The following RAP1GAP2 variants were observed in gnomAD, a reference collection of about 807,000 sequenced individuals.
RAP1GAP2 encodes the protein rap1 GTPase-activating protein 2.
Under a neutral mutation model 95.0 loss-of-function variants are expected in RAP1GAP2, and 27 were observed. That is an observed-to-expected ratio of 0.28 (90% CI 0.21 to 0.39). RAP1GAP2 has a LOEUF of 0.39. Ranked by LOEUF, RAP1GAP2 falls within the 10% of genes least tolerant of loss-of-function variation. The probability of loss-of-function intolerance (pLI) is 1.00; values close to 1 mark genes in which losing one functional copy is unlikely to be tolerated. For synonymous variants in RAP1GAP2, 373 were observed against 380.9 expected (o/e 0.98, Z 0.24); for missense variants, 771 against 970.0 (o/e 0.79, Z 2.72).
intron 1 of RAP1GAP2, among the ~76,000 whole-genome samples, chr17:2,799,560 C>T (rs1346199737): frequency 6.6e-6 from 1 of 152,196 alleles, no homozygotes; most frequent in African/African-American, 2.4e-5. Flanking sequence ...CCAGGGTCTC[C>T]AGCATGCTGG....
intron 3 of RAP1GAP2, among the ~76,000 whole-genome samples, chr17:2,950,061 C>T (rs72821206): frequency 0.11 from 15,040 of 141,136 alleles, 919 homozygotes; most frequent in South Asian, 0.18. Flanking sequence ...TCTTCTTCTT[C>T]TTTTTTTTTT....
chr17:2,801,597 A>ATGTGTG (rs71150898), intron 2 of RAP1GAP2, among the ~76,000 whole-genome samples: 2,261 of 121,758 alleles, frequency 0.019, 66 homozygotes, highest in African/African-American at 0.049. Flanking sequence ...ACTCCAGGGT[A>ATGTGTG]TGTGTGTGTG....
chr17:3,000,470 A>T (rs145095835), intron 14 of RAP1GAP2, among the ~76,000 whole-genome samples: 2,980 of 84,470 alleles, frequency 0.035, 33 homozygotes, highest in Middle Eastern at 0.048. Context: ...AGGTCCAAGC[A>T]CCAGGCTGAA....
chr17:2,892,152 G>A (rs1027384872), intron 2 of RAP1GAP2, among the ~76,000 whole-genome samples: 10 of 152,076 alleles, frequency 6.6e-5, no homozygotes, highest in East Asian at 1.9e-4. Context: ...TATATGGTAT[G>A]TATTTATATT....
intron 17 of RAP1GAP2, among the ~76,000 whole-genome samples, chr17:3,014,776 C>T (rs1417773989): frequency 1.3e-5 from 2 of 152,224 alleles, no homozygotes; most frequent in African/African-American, 2.4e-5. Context: ...AGGTTGGTCT[C>T]GAACTCCTGA....
chr17:2,832,462 G>T (rs576658467), intron 2 of RAP1GAP2, among the ~76,000 whole-genome samples: 1 of 150,612 alleles, frequency 6.6e-6, no homozygotes, highest in Non-Finnish European at 1.5e-5. Flanking sequence ...GGAGGCTGAG[G>T]CAGGAGAATG....
chr17:2,957,500 A>T (rs1298581856), intron 3 of RAP1GAP2, among the ~76,000 whole-genome samples: 2 of 152,158 alleles, frequency 1.3e-5, no homozygotes, highest in African/African-American at 4.8e-5. Context: ...CCTTTCCTTG[A>T]CAGAGGCTGA....
At chr17:2,883,066 C>T (rs1034409251) in intron 2 of RAP1GAP2, among the ~76,000 whole-genome samples, 7 of 152,242 alleles carry the variant, frequency 4.6e-5, no homozygotes, top group Middle Eastern at 6.8e-3. Context: ...TTGTCTTGGT[C>T]GGGGTTATGT....
chr17:2,899,490 C>A (rs575194937), intron 2 of RAP1GAP2, among the ~76,000 whole-genome samples: 1 of 151,678 alleles, frequency 6.6e-6, no homozygotes, highest in Non-Finnish European at 1.5e-5. Context: ...GGATTACAGG[C>A]GTCAGCCACC....
intron 14 of RAP1GAP2, among the ~76,000 whole-genome samples, chr17:2,998,654 G>A (rs959571828): frequency 2.6e-5 from 4 of 152,128 alleles, no homozygotes; most frequent in South Asian, 4.2e-4. Flanking sequence ...TGTGAGTGTA[G>A]TATTTGGAAT....
chr17:3,020,347 T>A, intron 18 of RAP1GAP2, 130 bp from the exon 19 acceptor site: 3 of 706,080 alleles, frequency 4.2e-6, no homozygotes, highest in Middle Eastern at 2.4e-4. Flanking sequence ...ATCTCAACCT[T>A]CCTAGCTGTC....
At chr17:2,809,045 G>A (rs1311603725) in intron 2 of RAP1GAP2, among the ~76,000 whole-genome samples, 3 of 152,186 alleles carry the variant, frequency 2.0e-5, no homozygotes, top group African/African-American at 4.8e-5. Context: ...ACCAGGCACC[G>A]GGGCTGCTCC....
chr17:2,810,204 C>T (rs969457358), intron 2 of RAP1GAP2, among the ~76,000 whole-genome samples: 3 of 152,026 alleles, frequency 2.0e-5, no homozygotes, highest in South Asian at 2.1e-4. Context: ...TGGACCACCC[C>T]GGCCTTCCCT....
upstream of RAP1GAP2, among the ~76,000 whole-genome samples, chr17:2,794,735 C>T (rs2069020889): frequency 6.6e-6 from 1 of 152,214 alleles, no homozygotes; most frequent in Non-Finnish European, 1.5e-5. Context: ...CCTTCGTCCA[C>T]AAGCTGGGGT....
intron 1 of RAP1GAP2, among the ~76,000 whole-genome samples, chr17:2,787,122 G>A (rs1045343797): frequency 6.6e-6 from 1 of 150,924 alleles, no homozygotes; most frequent in African/African-American, 2.4e-5. Flanking sequence ...GGCTAGTTTT[G>A]TAGTTTTTAG....
At chr17:2,768,534 A>G (rs1314475761) in intron 1 of RAP1GAP2, among the ~76,000 whole-genome samples, 1 of 152,038 alleles carries the variant, frequency 6.6e-6, no homozygotes, top group Non-Finnish European at 1.5e-5. Context: ...TCTACTAAAA[A>G]TACAAAAATT....
intron 1 of RAP1GAP2, among the ~76,000 whole-genome samples, chr17:2,778,477 A>G (rs954488198): frequency 1.3e-5 from 2 of 152,032 alleles, no homozygotes; most frequent in African/African-American, 2.4e-5. Context: ...TCAGCTCCAG[A>G]GAAGAGGACC....
intron 2 of RAP1GAP2, among the ~76,000 whole-genome samples, chr17:2,888,817 ATTTTTTTT>A (rs58533003): frequency 5.4e-5 from 7 of 130,496 alleles, no homozygotes; most frequent in Admixed American, 7.9e-5. Flanking sequence ...CGCCCAGCTA[ATTTTTTTT>A]TTTTTTTTTT....
Position 2,855,173 on chromosome 17 carries a change from TC to T in RAP1GAP2, c.81-50105del, listed in dbSNP as rs2072081125. On this transcript the variant is annotated intron_variant, in intron 2 of 24. Transcript: ENST00000254695. This position sits in a 1 kb window ranked among gnomAD's most constrained non-coding sequence, Gnocchi z 4.3. ...GGTGGGTTGTCCCCCATTCCTCTCG[TC>T]CCCCCTTCCTATAATGTGTGTAACA... is the stretch of plus-strand genomic sequence containing the variant. 6.6e-6 allele frequency among the ~76,000 whole-genome samples: 1 copy of T among 152,018 alleles called. No homozygotes were observed. Among genetic ancestry groups the T allele is most frequent in the Non-Finnish European group, 1.5e-5 (1 of 68,000 alleles).
Sources: gnomAD v4.1 joint callset for allele counts (sites outside exome capture counted in the v4.1 genomes callset) on GRCh38, gnomAD v4.1.1 for gene constraint, Gnocchi (gnomAD v3.1) non-coding constraint, MANE v1.5 for transcripts, NCBI Gene and HGNC (gene_info 2026-07-23, HGNC 2026-07-21) for gene names.